PHLPP1: variants seen among roughly 807,000 people sequenced by gnomAD.
PHLPP1 encodes the protein PH domain and leucine rich repeat protein phosphatase 1, also known as PH domain leucine-rich repeat-containing protein phosphatase 1.
Under a neutral mutation model 117.2 loss-of-function variants are expected in PHLPP1, and 42 were observed. That is an observed-to-expected ratio of 0.36 (90% CI 0.28 to 0.46). PHLPP1 has a LOEUF of 0.46. Ranked by LOEUF, PHLPP1 falls within the 20% of genes least tolerant of loss-of-function variation. The pLI is 1.00. For missense variants in PHLPP1, 2,084 were observed against 2,241.9 expected, an observed-to-expected ratio of 0.93 and a Z score of 1.42; for synonymous variants, 1,042 against 970.7, an observed-to-expected ratio of 1.07 and a Z score of -1.37.
intron 10 of PHLPP1, among the ~76,000 whole-genome samples, chr18:62,929,292 A>C (rs1422160237): frequency 6.6e-6 from 1 of 152,260 alleles, no homozygotes; most frequent in Non-Finnish European, 1.5e-5. Context: ...CACACACCAT[A>C]AAATTCATCC....
chr18:62,871,845 A>G (rs372639847), intron 4 of PHLPP1, among the ~76,000 whole-genome samples: 4 of 151,880 alleles, frequency 2.6e-5, no homozygotes, highest in African/African-American at 9.7e-5. Flanking sequence ...GGGTTTCACC[A>G]TGTTGGCCAG....
intron 1 of PHLPP1, among the ~76,000 whole-genome samples, chr18:62,773,634 A>C (rs373854844): frequency 6.6e-6 from 1 of 152,202 alleles, no homozygotes; most frequent in East Asian, 1.9e-4. Flanking sequence ...TGTTAACCAA[A>C]ATGTAGTGTA....
intron 8 of PHLPP1, among the ~76,000 whole-genome samples, chr18:62,905,787 C>A (rs1304255313): frequency 1.3e-5 from 2 of 152,186 alleles, no homozygotes; most frequent in South Asian, 2.1e-4. Context: ...AAATTCTCTA[C>A]AACCTGCTTG....
intron 3 of PHLPP1, among the ~76,000 whole-genome samples, chr18:62,852,684 G>A (rs907075972): frequency 5.3e-5 from 8 of 152,174 alleles, no homozygotes; most frequent in African/African-American, 1.9e-4. Context: ...AGAATTATTT[G>A]TGGTATTTCA....
intron 4 of PHLPP1, among the ~76,000 whole-genome samples, chr18:62,887,673 G>A (rs1411471011): frequency 2.0e-5 from 3 of 152,260 alleles, no homozygotes; most frequent in South Asian, 4.1e-4. Context: ...CCTAAAGACC[G>A]TACCTCTTAT....
intron 1 of PHLPP1, among the ~76,000 whole-genome samples, chr18:62,766,079 ATATATATATATATATATATAT>A (rs1912498926): frequency 2.6e-5 from 1 of 38,344 alleles, no homozygotes; most frequent in Admixed American, 2.9e-4. Flanking sequence ...AAAAAAAAAT[ATATATATATATATATATATAT>A]ATAAAATATA....
At chr18:62,785,152 T>A (rs1468893485) in intron 1 of PHLPP1, among the ~76,000 whole-genome samples, 3 of 152,222 alleles carry the variant, frequency 2.0e-5, no homozygotes, top group African/African-American at 7.2e-5. Flanking sequence ...AGAATGCATG[T>A]GATCACTCAG....
At chr18:62,951,274 C>T (rs1292209713) in intron 12 of PHLPP1, among the ~76,000 whole-genome samples, 1 of 151,020 alleles carries the variant, frequency 6.6e-6, no homozygotes, top group Non-Finnish European at 1.5e-5. Flanking sequence ...AGCCACCGCG[C>T]CTGGCCAACC....
intron 4 of PHLPP1, among the ~76,000 whole-genome samples, chr18:62,887,011 G>C (rs1253008249): frequency 6.6e-6 from 1 of 152,162 alleles, no homozygotes; most frequent in Non-Finnish European, 1.5e-5. Context: ...GAATTGGTTT[G>C]AAGGTAAATA....
At chr18:62,730,161 G>A (rs1911188386) in intron 1 of PHLPP1, among the ~76,000 whole-genome samples, 1 of 152,174 alleles carries the variant, frequency 6.6e-6, no homozygotes, top group African/African-American at 2.4e-5. Context: ...ATGAGCTTCT[G>A]TGGTCAGTTT....
At chr18:62,822,266 T>TTTTTTTTTTTTTG in intron 1 of PHLPP1, among the ~76,000 whole-genome samples, 2 of 131,322 alleles carry the variant, frequency 1.5e-5, no homozygotes, top group African/African-American at 5.9e-5. Context: ...GAAAATAGTG[T>TTTTTTTTTTTTTG]TTTTTTTTTT....
chr18:62,766,076 A>ATATATATATATAATATATATATATATAT (rs1555670395), intron 1 of PHLPP1, among the ~76,000 whole-genome samples: 1 of 21,662 alleles, frequency 4.6e-5, no homozygotes, highest in Non-Finnish European at 8.5e-5. Context: ...AAAAAAAAAA[A>ATATATATATATAATATATATATATATAT]ATATATATAT....
intron 10 of PHLPP1, among the ~76,000 whole-genome samples, chr18:62,929,894 G>A (rs554505045): frequency 8.3e-4 from 127 of 152,230 alleles, no homozygotes; most frequent in Middle Eastern, 3.4e-3. Flanking sequence ...GAACTTGAGG[G>A]TGCAGTGAGC....
intron 4 of PHLPP1, among the ~76,000 whole-genome samples, chr18:62,866,494 C>T (rs1160817990): frequency 6.6e-6 from 1 of 152,126 alleles, no homozygotes. Flanking sequence ...GTCCACCCAT[C>T]TTGGCCTCCC....
intron 3 of PHLPP1, among the ~76,000 whole-genome samples, chr18:62,855,070 A>T (rs956453559): frequency 3.3e-5 from 5 of 152,176 alleles, no homozygotes; most frequent in Non-Finnish European, 7.3e-5. Flanking sequence ...TATCTTTGAA[A>T]CAGGGGTAAG....
At chr18:62,926,168 T>C (rs1347829008) in intron 10 of PHLPP1, among the ~76,000 whole-genome samples, 1 of 152,216 alleles carries the variant, frequency 6.6e-6, no homozygotes, top group African/African-American at 2.4e-5. Flanking sequence ...CAATGATGTT[T>C]AGAATACTAT....
At chr18:62,813,817 T>G (rs1914190112) in intron 1 of PHLPP1, among the ~76,000 whole-genome samples, 1 of 152,168 alleles carries the variant, frequency 6.6e-6, no homozygotes, top group Non-Finnish European at 1.5e-5. Flanking sequence ...GCCTTTCCCT[T>G]TCAGCATTTT....
chr18:62,961,057 G>A (rs1910752690), intron 13 of PHLPP1, among the ~76,000 whole-genome samples: 2 of 152,206 alleles, frequency 1.3e-5, no homozygotes, highest in Admixed American at 1.3e-4. Flanking sequence ...AGCACTTTGG[G>A]AGGCCGAGGT....
chr18:62,918,205 C>CAAA (rs11317555), intron 9 of PHLPP1, among the ~76,000 whole-genome samples: 10 of 80,574 alleles, frequency 1.2e-4, no homozygotes, highest in South Asian at 4.4e-4. Context: ...GACTCTGTCT[C>CAAA]AAAAAAAAAA....
Sources: gnomAD v4.1 joint callset for allele counts (sites outside exome capture counted in the v4.1 genomes callset) on GRCh38, gnomAD v4.1.1 for gene constraint, MANE v1.5 for transcripts, NCBI Gene and HGNC (gene_info 2026-07-23, HGNC 2026-07-21) for gene names.